CA6: variants seen among roughly 807,000 people sequenced by gnomAD.
The protein encoded by CA6 is carbonate dehydratase VI.
In CA6, 28 loss-of-function variants were observed where a neutral mutation model predicts 35.9. The observed-to-expected ratio is 0.78, with a 90% CI of 0.58 to 1.07. The LOEUF is 1.07. CA6 is among the 50% of genes least tolerant of loss of function. The pLI is 0.00. For missense variants in CA6, 377 were observed against 382.0 expected, an observed-to-expected ratio of 0.99 and a Z score of 0.11; for synonymous variants, 148 against 152.6, an observed-to-expected ratio of 0.97 and a Z score of 0.22.
chr1:8,959,023 TG>T, intron 4 of CA6, 21 bp downstream of exon 4: 1 of 1,446,430 alleles, frequency 6.9e-7, no homozygotes, highest in South Asian at 1.1e-5. Context: ...ACTACCCATG[TG>T]TGTCTGTATT....
rs532321074 is a variant in CA6 at position 8,958,169 on chromosome 1, C to CT, written c.409-732dup. Among the ~76,000 whole-genome samples, 407 of 151,180 alleles carry CT rather than the reference C, an allele frequency of 2.7e-3. 4 individuals carry two copies. The highest frequency in any genetic ancestry group is 9.2e-3 in the African/African-American group (379 of 41,232). On this transcript the variant is annotated intron_variant, in intron 3 of 7. Coordinates refer to ENST00000377443, the MANE Select transcript of CA6 (RefSeq NM_001215.4). ...GCTGGATTTCTATGTGTTAGATTTT[C>CT]TTTTTTTTTGTTTCTTGAGACAGAG...
At chr1:8,973,753 T>TTTCTTTCTTTCC (rs1640180148) in intron 7 of CA6, among the ~76,000 whole-genome samples, 1 of 21,322 alleles carries the variant, frequency 4.7e-5, no homozygotes, top group African/African-American at 3.9e-4. Context: ...TCTTTCTTTC[T>TTTCTTTCTTTCC]TTCTTTCTTT....
Position 8,970,750 on chromosome 1 carries a change from C to A in CA6, c.730-117C>A, listed in dbSNP as rs145185085. 8.7e-4 allele frequency: 636 copies of A among 733,956 alleles called. 1 individual carries two copies. The African/African-American group carries it at 9.6e-3, about 11-fold the overall frequency. The allele number at this position is 733,956 out of a possible 1,614,324, so 45.5% of individuals were successfully genotyped here. A position where few individuals can be genotyped will look rare whatever the true frequency, so the allele number is the denominator to read the frequency against. On this transcript the variant is annotated intron_variant, in intron 6 of 7. Transcript: ENST00000377443. Reference sequence around the variant, plus strand: ...TCCTGAGCTCAAGTGATCTGCCCGCCCCAGCCTCCCAAAATGCTGGGATTA... The same window carrying A: ...TCCTGAGCTCAAGTGATCTGCCCGCACCAGCCTCCCAAAATGCTGGGATTA...
At chr1:8,962,710 A>T (rs1639872388) in intron 5 of CA6, 54 bp downstream of exon 5, 1 of 1,489,722 alleles carries the variant, frequency 6.7e-7, no homozygotes, top group African/African-American at 1.4e-5. Flanking sequence ...TGTGAGTGTG[A>T]GTGTGAGGTG....
At chr1:8,971,178 G>A (rs1366354062) in intron 7 of CA6, among the ~76,000 whole-genome samples, 197 bp downstream of exon 7, 1 of 152,112 alleles carries the variant, frequency 6.6e-6, no homozygotes, top group Non-Finnish European at 1.5e-5. Flanking sequence ...ATGCCAGTGA[G>A]TAGAACACAC....
Position 8,955,779 on chromosome 1 carries a change from T to C in CA6, c.260-1358T>C, listed in dbSNP as rs922606896. Reference sequence around the variant, plus strand: ...CCTTTCAGGCCGGATTACTGCATTATAGCACATTACGTTATGAATTTAATC... The same window carrying C: ...CCTTTCAGGCCGGATTACTGCATTACAGCACATTACGTTATGAATTTAATC... On this transcript the variant is annotated intron_variant, in intron 2 of 7. Transcript: ENST00000377443. Among the ~76,000 whole-genome samples the C allele has an allele frequency of 3.3e-5, 5 of 152,116 alleles. No individual in the cohort carries two copies. The East Asian group carries it at 9.6e-4, about 29-fold the overall frequency.
chr1:8,951,352 A>G, intron 2 of CA6: 1 of 679,388 alleles, frequency 1.5e-6, no homozygotes, highest in Non-Finnish European at 2.7e-6. Context: ...ATACACAAAG[A>G]ATGAACAAAA....
chr1:8,949,258 C>T lies in CA6; in HGVS notation c.80-5C>T. 1 of 1,590,898 alleles carries T rather than the reference C, an allele frequency of 6.3e-7. No homozygotes were observed. The highest frequency in any genetic ancestry group is 8.6e-7 in the Non-Finnish European group (1 of 1,169,076). ...GCCCCTTGAACTGTGTCTTTCCTGT[C>T]TTAGAAGGGGCACTGGACGAAGCGC... On this transcript the variant is annotated splice_polypyrimidine_tract_variant and splice_region_variant and intron_variant, in intron 1 of 7. Transcript: ENST00000377443.
chr1:8,947,880 CGTT>C (rs1639409051), intron 1 of CA6, among the ~76,000 whole-genome samples: 1 of 147,192 alleles, frequency 6.8e-6, no homozygotes. Context: ...GTTTCACTCT[CGTT>C]GCCCAGGCTG....
intron 2 of CA6, among the ~76,000 whole-genome samples, chr1:8,950,261 G>A (rs1338298249): frequency 6.6e-6 from 1 of 152,084 alleles, no homozygotes; most frequent in Non-Finnish European, 1.5e-5. Context: ...TGGGATTACA[G>A]GCACGAGCCA....
chr1:8,953,359 C>T (rs555568280), intron 2 of CA6, among the ~76,000 whole-genome samples: 1 of 152,164 alleles, frequency 6.6e-6, no homozygotes, highest in South Asian at 2.1e-4. Flanking sequence ...CATGGTGGCT[C>T]ATGCCTGTAA....
chr1:8,974,870 C>T lies in CA6; in HGVS notation c.*166C>T, dbSNP rs1407817997. ...GGGATTCTGATTAAAAGAGGGGAAA[C>T]GATCATCCTGGACAGGAAGTGAGAT... On this transcript the variant is annotated 3_prime_UTR_variant, in exon 8 of 8. Transcript: ENST00000377443. The T allele has an allele frequency of 1.9e-5, 10 of 517,260 alleles. 1 individual carries two copies. Among genetic ancestry groups the T allele is most frequent in the Non-Finnish European group, 3.4e-5 (10 of 296,624 alleles). 32.0% of individuals were successfully genotyped at this position (517,260 alleles called of 1,614,324 possible). A position where few individuals can be genotyped will look rare whatever the true frequency, so the allele number is the denominator to read the frequency against.
At chr1:8,948,365 G>C (rs560649078) in intron 1 of CA6, among the ~76,000 whole-genome samples, 1 of 152,040 alleles carries the variant, frequency 6.6e-6, no homozygotes, top group African/African-American at 2.4e-5. Context: ...TTTTAAAAAA[G>C]TACTCATTCT....
intron 5 of CA6, among the ~76,000 whole-genome samples, chr1:8,965,563 T>C (rs1213321377): frequency 6.6e-6 from 1 of 152,108 alleles, no homozygotes; most frequent in African/African-American, 2.4e-5. Flanking sequence ...TTGCCCACAT[T>C]GTAGCATGTT....
chr1:8,955,329 T>C (rs907194426), intron 2 of CA6, among the ~76,000 whole-genome samples: 1 of 152,050 alleles, frequency 6.6e-6, no homozygotes, highest in Non-Finnish European at 1.5e-5. Flanking sequence ...TGAGCTGAGG[T>C]CATGCCACTG....
intron 5 of CA6, 104 bp downstream of exon 5, chr1:8,962,760 GC>G (rs1387446910): frequency 1.0e-6 from 1 of 954,246 alleles, no homozygotes; most frequent in Non-Finnish European, 1.7e-6. Context: ...GGGGAGGGTG[GC>G]CCGTGGGCCC....
intron 2 of CA6, among the ~76,000 whole-genome samples, 173 bp from the exon 3 acceptor site, chr1:8,956,964 G>A (rs962929726): frequency 2.6e-5 from 4 of 152,188 alleles, no homozygotes; most frequent in South Asian, 2.1e-4. Flanking sequence ...TGCCCTGTGC[G>A]CAAACGCCTC....
chr1:8,961,104 C>T (rs891943975), intron 4 of CA6, among the ~76,000 whole-genome samples: 4 of 151,424 alleles, frequency 2.6e-5, no homozygotes, highest in African/African-American at 7.4e-5. Context: ...ATCCAATAAA[C>T]CACCCTTCAA....
At chr1:8,951,685 C>A (rs1370573060) in intron 2 of CA6, 4 of 764,440 alleles carry the variant, frequency 5.2e-6, no homozygotes, top group Non-Finnish European at 7.2e-6. Flanking sequence ...CCAGAGGACC[C>A]TGTACCTTCT....
Sources: allele counts gnomAD v4.1 joint callset (sites outside exome capture counted in the v4.1 genomes callset), GRCh38; gene constraint gnomAD v4.1.1; transcripts MANE v1.5; gene names NCBI Gene and HGNC (gene_info 2026-07-23, HGNC 2026-07-21).